The following ALMS1 variants were observed in gnomAD, a reference collection of about 807,000 sequenced individuals.
ALMS1 encodes the protein centrosome-associated protein ALMS1.
In ALMS1, 271 loss-of-function variants were observed where a neutral mutation model predicts 352.2. The observed-to-expected ratio is 0.77, with a 90% CI of 0.70 to 0.85. The LOEUF is 0.85. Among genes scored for constraint, ALMS1 ranks in the 40% least tolerant of loss-of-function variants. The pLI is 0.00. For synonymous variants in ALMS1, 1,865 were observed against 1,761.2 expected, an observed-to-expected ratio of 1.06 and a Z score of -1.48; for missense variants, 5,445 against 4,870.7, an observed-to-expected ratio of 1.12 and a Z score of -3.51.
In ALMS1 at chr2:73,608,549, G is replaced by T. The variant is rs141665136; in HGVS notation, c.12437G>T (p.Arg4146Leu). 1.9e-6 allele frequency: 3 copies of T among 1,613,838 alleles called. No individual in the cohort carries two copies. Among genetic ancestry groups the T allele is most frequent in the African/African-American group, 2.7e-5 (2 of 74,912 alleles). Reference sequence around the variant, plus strand: ...AGAAAATCAGAATATAAGTCATACCGGCTGCGAGCCCAGCTATATAAAAAG... The same window carrying T: ...AGAAAATCAGAATATAAGTCATACCTGCTGCGAGCCCAGCTATATAAAAAG... ...EKRKSEYKSY[R>L]LRAQLYKKRV... Residue 4146 changes from arginine to leucine, a missense_variant, in exon 22 of 23, where the codon CGG becomes CTG. Physicochemically the swap from Arg to Leu is moderately radical, Grantham distance 102 (BLOSUM62 -2). Transcript: ENST00000613296.
chr2:73,545,419 G>A (rs1211414484), intron 12 of ALMS1, among the ~76,000 whole-genome samples: 1 of 152,072 alleles, frequency 6.6e-6, no homozygotes, highest in Non-Finnish European at 1.5e-5. Context: ...GACCTCAAGT[G>A]ATCTTCCTGC....
At chr2:73,414,489 G>GGT (rs201673681) in intron 2 of ALMS1, among the ~76,000 whole-genome samples, 70 of 94,246 alleles carry the variant, frequency 7.4e-4, no homozygotes, top group African/African-American at 2.5e-3. Context: ...TTTTTTTTTT[G>GGT]TTTTTTTTTT....
Position 73,490,018 on chromosome 2 carries a change from G to T in ALMS1, c.8059G>T (p.Ala2687Ser). 1.2e-6 allele frequency: 2 copies of T among 1,614,202 alleles called. No individual in the cohort carries two copies. The highest frequency in any genetic ancestry group is 1.7e-6 in the Non-Finnish European group (2 of 1,180,040). The change falls in exon 10 of 23, where the codon GCT becomes TCT. Residue 2687 changes from alanine (A) to serine (S), a missense_variant. Transcript: ENST00000613296. The stretch of plus-strand genomic sequence containing the variant: ...TTGGCTGTCAGAATTAGTAGAACCT[G>T]CTTTTGTGCCACCTAAAGAAGTGGA... ...DPWLSELVEP[A>S]FVPPKEVDFH...
At position 73,451,800 on chromosome 2, in the gene ALMS1, T is replaced by C. The variant is rs868226059; in HGVS notation, c.5273T>C (p.Phe1758Ser). 1 of 1,613,286 alleles carries C rather than the reference T, an allele frequency of 6.2e-7. No homozygotes were observed. Among genetic ancestry groups the C allele is most frequent in the Non-Finnish European group, 8.5e-7 (1 of 1,179,786 alleles). Reference sequence around the variant, plus strand: ...GGGTTATCTACTGTAACTTCCTCTTTCTATTCACATACAGAGAAGCCTAAT... The same window carrying C: ...GGGTTATCTACTGTAACTTCCTCTTCCTATTCACATACAGAGAAGCCTAAT... ...KTGLSTVTSS[F>S]YSHTEKPNIS... Residue 1758 changes from phenylalanine to serine, a missense_variant, in exon 8 of 23, where the codon TTC becomes TCC. Phe to Ser is a radical substitution (Grantham distance 155). Coordinates refer to ENST00000613296, the MANE Select transcript of ALMS1 (RefSeq NM_001378454.1).
In ALMS1 at chr2:73,448,412, G is replaced by C; in HGVS notation, c.1885G>C (p.Gly629Arg). 6 of 1,613,908 alleles carry C rather than the reference G, an allele frequency of 3.7e-6. No individual in the cohort carries two copies. The highest frequency in any genetic ancestry group is 5.1e-6 in the Non-Finnish European group (6 of 1,179,918). ...TTCCTACTCACATAGAGAGAAGCCT[G>C]GTACTTTTTACCAACAAGAGTTACC... ...STSYSHREKP[G>R]TFYQQELPES... is the part of the protein sequence containing the mutation. Residue 629 changes from glycine to arginine, a missense_variant, in exon 8 of 23, where the codon GGT becomes CGT. Transcript: ENST00000613296.
chr2:73,505,619 A>G (rs142945962), intron 10 of ALMS1, among the ~76,000 whole-genome samples: 6 of 152,162 alleles, frequency 3.9e-5, no homozygotes, highest in African/African-American at 9.6e-5. Context: ...ATTCTTAAGT[A>G]AATTAAGTTT....
chr2:73,589,663 G>T (rs956779), intron 16 of ALMS1, among the ~76,000 whole-genome samples: 5 of 152,248 alleles, frequency 3.3e-5, no homozygotes, highest in African/African-American at 1.2e-4. Flanking sequence ...TGCCTACATT[G>T]CTGTAAGTAT....
chr2:73,550,397 C>T lies in ALMS1; in HGVS notation c.10038C>T (p.Ser3346=), dbSNP rs375436336. ...GTAAGAGGGTAGTGACTAAGGCATC[C>T]TTGCCAGTGGGAGAAAAACCCTTGC... ...IYSKRVVTKA[S]LPVGEKPLQN... is the part of the protein sequence containing the mutation. Residue 3346 remains serine, a synonymous_variant, in exon 13 of 23, where the codon TCC becomes TCT. Coordinates refer to ENST00000613296, the MANE Select transcript of ALMS1 (RefSeq NM_001378454.1). 65 of 1,614,120 alleles carry T rather than the reference C, an allele frequency of 4.0e-5. No homozygotes were observed. In the East Asian group the frequency reaches 6.9e-4, roughly 17 times the overall value.
Position 73,599,443 on chromosome 2 carries a change from G to A in ALMS1, c.11590G>A (p.Ala3864Thr). 1 of 1,613,392 alleles carries A rather than the reference G, an allele frequency of 6.2e-7. No homozygotes were observed. The highest frequency in any genetic ancestry group is 8.5e-7 in the Non-Finnish European group (1 of 1,179,646). ...VISSDSISSSASSFLSSNSTF... is the reference protein window; with the variant it reads ...VISSDSISSSTSSFLSSNSTF... ...TTCTTCTGACTCTATTTCCTCTTCTGCCAGTAGTTTCCTGAGCTCAAACTC... is the reference window on the plus strand; with the variant it reads ...TTCTTCTGACTCTATTTCCTCTTCTACCAGTAGTTTCCTGAGCTCAAACTC... Residue 3864 changes from alanine (A) to threonine (T), a missense_variant, in exon 17 of 23, where the codon GCC (alanine) becomes ACC (threonine). By Grantham distance (58) the Ala-to-Thr change is moderately conservative. Transcript: ENST00000613296.
intron 10 of ALMS1, among the ~76,000 whole-genome samples, chr2:73,509,684 C>G (rs1673409758): frequency 6.6e-6 from 1 of 152,062 alleles, no homozygotes. Flanking sequence ...CTCTGGCTGC[C>G]CTTAATATTT....
At chr2:73,526,907 CT>C (rs1191435046) in intron 11 of ALMS1, among the ~76,000 whole-genome samples, 1 of 152,094 alleles carries the variant, frequency 6.6e-6, no homozygotes, top group African/African-American at 2.4e-5. Context: ...AGCTGTGGGT[CT>C]GTCATATATG....
intron 10 of ALMS1, among the ~76,000 whole-genome samples, chr2:73,497,797 G>A (rs911042394): frequency 3.3e-5 from 5 of 152,120 alleles, no homozygotes; most frequent in East Asian, 1.9e-4. Flanking sequence ...TGGTTGATGG[G>A]CATTTAGGTT....
At chr2:73,419,861 G>A (rs1671251413) in intron 3 of ALMS1, among the ~76,000 whole-genome samples, 1 of 152,130 alleles carries the variant, frequency 6.6e-6, no homozygotes, top group African/African-American at 2.4e-5. Context: ...TAAACTTTAA[G>A]TACTTTTAAA....
At chr2:73,477,410 G>A (rs1047840338) in intron 9 of ALMS1, among the ~76,000 whole-genome samples, 5 of 151,846 alleles carry the variant, frequency 3.3e-5, no homozygotes, top group Non-Finnish European at 5.9e-5. Flanking sequence ...TTTTGACATC[G>A]GAAAGAGTGA....
chr2:73,483,420 G>C (rs1672757472), intron 9 of ALMS1, among the ~76,000 whole-genome samples: 1 of 151,772 alleles, frequency 6.6e-6, no homozygotes, highest in Admixed American at 6.6e-5. Context: ...TAGTTTGATT[G>C]CACTGTGGTC....
chr2:73,554,034 G>A (rs1342153358), intron 13 of ALMS1, among the ~76,000 whole-genome samples: 1 of 152,150 alleles, frequency 6.6e-6, no homozygotes, highest in African/African-American at 2.4e-5. Flanking sequence ...ATCTGTAGTG[G>A]ATAGGAGAGG....
At chr2:73,407,876 C>T (rs899981542) in intron 1 of ALMS1, among the ~76,000 whole-genome samples, 1 of 151,892 alleles carries the variant, frequency 6.6e-6, no homozygotes, top group African/African-American at 2.4e-5. Context: ...TTTGTCTGTT[C>T]GAGGATCTGA....
intron 12 of ALMS1, among the ~76,000 whole-genome samples, chr2:73,547,143 G>T (rs1674339424): frequency 6.6e-6 from 1 of 152,144 alleles, no homozygotes; most frequent in Non-Finnish European, 1.5e-5. Context: ...CCCACCTGTA[G>T]GCTATTGTAA....
chr2:73,503,606 A>G (rs1290111439), intron 10 of ALMS1, among the ~76,000 whole-genome samples: 1 of 152,210 alleles, frequency 6.6e-6, no homozygotes, highest in East Asian at 1.9e-4. Flanking sequence ...TCCTTTGGGT[A>G]TATAGCCAGT....
Sources: allele counts gnomAD v4.1 joint callset (sites outside exome capture counted in the v4.1 genomes callset), GRCh38; gene constraint gnomAD v4.1.1; transcripts MANE v1.5; gene names NCBI Gene and HGNC (gene_info 2026-07-23, HGNC 2026-07-21).